XKR4: variants seen among roughly 807,000 people sequenced by gnomAD.
XKR4 encodes XK-related protein 4.
XKR4 carries 12 observed loss-of-function variants against 53.9 expected under a neutral mutation model. The observed-to-expected ratio is 0.22, with a 90% confidence interval of 0.14 to 0.36. The LOEUF is 0.36. Among genes scored for constraint, XKR4 ranks in the 10% least tolerant of loss-of-function variants. The pLI, the probability that XKR4 is intolerant of heterozygous loss-of-function variation, is 1.00. For missense variants in XKR4, 799 were observed against 859.5 expected, an observed-to-expected ratio of 0.93 and a Z score of 0.88; for synonymous variants, 354 against 362.4, an observed-to-expected ratio of 0.98 and a Z score of 0.26.
intron 1 of XKR4, among the ~76,000 whole-genome samples, chr8:55,117,609 C>T (rs1315738100): frequency 6.6e-6 from 1 of 152,168 alleles, no homozygotes; most frequent in African/African-American, 2.4e-5. Flanking sequence ...TTGCTATTCT[C>T]ATCTGAGGAT....
At chr8:55,303,833 C>T (rs1454779132) in intron 1 of XKR4, among the ~76,000 whole-genome samples, 29 of 152,214 alleles carry the variant, frequency 1.9e-4, no homozygotes, top group Middle Eastern at 6.8e-3. Flanking sequence ...TCTGTGGGAT[C>T]GGTGGTGATA....
chr8:55,389,129 A>G (rs1804399405), intron 2 of XKR4, among the ~76,000 whole-genome samples: 1 of 152,222 alleles, frequency 6.6e-6, no homozygotes, highest in South Asian at 2.1e-4. Flanking sequence ...GCCACCAGCT[A>G]GGGAAATACC....
rs1410884727 is a variant in XKR4, at chr8:55,452,312, C to A, written c.1007-70969C>A. 15 of 645,768 alleles carry A rather than the reference C, an allele frequency of 2.3e-5. No individual in the cohort carries two copies. The Admixed American group carries it at 2.7e-4, about 12-fold the overall frequency. 40.0% of individuals were successfully genotyped at this position (645,768 alleles called of 1,614,324 possible). ...TGCATTTCTCCTTGGTCAGCGCGGC[C>A]ACCGGGAAGGAGCGGAACACCACCT... On this transcript the variant is annotated intron_variant, in intron 2 of 2. Coordinates refer to ENST00000327381, the MANE Select transcript of XKR4 (RefSeq NM_052898.2).
chr8:55,143,460 T>G (rs1472124193), intron 1 of XKR4, among the ~76,000 whole-genome samples: 1 of 152,186 alleles, frequency 6.6e-6, no homozygotes, highest in Non-Finnish European at 1.5e-5. Context: ...TAATAATGAT[T>G]TAAAAGTATA....
chr8:55,336,305 C>T (rs1179230662), intron 1 of XKR4, among the ~76,000 whole-genome samples: 1 of 152,092 alleles, frequency 6.6e-6, no homozygotes, highest in Admixed American at 6.5e-5. Flanking sequence ...GTCTTGCCGT[C>T]ACCATGTAAG....
At chr8:55,254,561 C>T (rs778321247) in intron 1 of XKR4, among the ~76,000 whole-genome samples, 18 of 152,260 alleles carry the variant, frequency 1.2e-4, no homozygotes, top group Non-Finnish European at 2.1e-4. Flanking sequence ...GGAATGTTCA[C>T]GGTTTGATAA....
At chr8:55,352,314 G>A (rs1803735580) in intron 1 of XKR4, among the ~76,000 whole-genome samples, 2 of 152,256 alleles carry the variant, frequency 1.3e-5, no homozygotes, top group Non-Finnish European at 2.9e-5. Context: ...GGCACGAGGT[G>A]TGGATTCATC....
chr8:55,440,750 G>C (rs1467216510), intron 2 of XKR4, among the ~76,000 whole-genome samples: 1 of 152,036 alleles, frequency 6.6e-6, no homozygotes, highest in Non-Finnish European at 1.5e-5. Flanking sequence ...TGATTGTAAA[G>C]GAACTATAAT....
intron 2 of XKR4, chr8:55,449,677 C>T: frequency 1.1e-6 from 1 of 875,446 alleles, no homozygotes; most frequent in Admixed American, 1.7e-5. Flanking sequence ...CCACAGCCTC[C>T]ACCTCCACCT....
chr8:55,149,808 CT>C (rs1420215875), intron 1 of XKR4, among the ~76,000 whole-genome samples: 1 of 152,200 alleles, frequency 6.6e-6, no homozygotes, highest in Non-Finnish European at 1.5e-5. Flanking sequence ...TCATGAGCAC[CT>C]TTCCTAGGAG....
At chr8:55,152,387 TATAC>T (rs1305827642) in intron 1 of XKR4, among the ~76,000 whole-genome samples, 2 of 152,204 alleles carry the variant, frequency 1.3e-5, no homozygotes, top group South Asian at 4.1e-4. Flanking sequence ...ATGTTCATTA[TATAC>T]CATATATCTT....
At chr8:55,216,816 A>G (rs1208362420) in intron 1 of XKR4, among the ~76,000 whole-genome samples, 1 of 151,876 alleles carries the variant, frequency 6.6e-6, no homozygotes, top group Non-Finnish European at 1.5e-5. Flanking sequence ...AAAAAAAACT[A>G]TAAAGATAAT....
chr8:55,522,738 C>T (rs998801124), intron 2 of XKR4, among the ~76,000 whole-genome samples: 2 of 152,138 alleles, frequency 1.3e-5, no homozygotes, highest in South Asian at 2.1e-4. Context: ...TGACAGCCTC[C>T]GGTCCATGGT....
At chr8:55,418,614 C>A (rs939301066) in intron 2 of XKR4, among the ~76,000 whole-genome samples, 1 of 152,204 alleles carries the variant, frequency 6.6e-6, no homozygotes, top group African/African-American at 2.4e-5. Flanking sequence ...TTCAACACAG[C>A]AGCCCAAATG....
At chr8:55,236,509 G>A (rs763605999) in intron 1 of XKR4, among the ~76,000 whole-genome samples, 12 of 152,276 alleles carry the variant, frequency 7.9e-5, no homozygotes, top group Non-Finnish European at 1.2e-4. Context: ...TCAAGAGGCT[G>A]GCCCACAGAG....
chr8:55,196,175 CTT>C (rs1032613430), intron 1 of XKR4, among the ~76,000 whole-genome samples: 11,321 of 125,730 alleles, frequency 0.09, 1,133 homozygotes, highest in African/African-American at 0.27. Context: ...GTTGTGCTTC[CTT>C]TTTTTTTTTT....
At position 55,414,899 on chromosome 8, in the gene XKR4, G is replaced by A. The variant is rs78273337; in HGVS notation, c.1006+57022G>A. ...TTTCCTCCAGCATCTCAAAGTAGAC[G>A]CCACATTTTCTACACATTCATTTAA... is the stretch of plus-strand genomic sequence containing the variant. On this transcript the variant is annotated intron_variant, in intron 2 of 2. Coordinates refer to ENST00000327381, the MANE Select transcript of XKR4 (RefSeq NM_052898.2). Among the ~76,000 whole-genome samples the A allele has an allele frequency of 4.1e-3, 628 of 152,198 alleles. 3 individuals carry two copies. Among genetic ancestry groups the A allele is most frequent in the African/African-American group, 0.015 (607 of 41,522 alleles).
At chr8:55,389,634 G>T (rs964619817) in intron 2 of XKR4, among the ~76,000 whole-genome samples, 6 of 152,128 alleles carry the variant, frequency 3.9e-5, no homozygotes, top group African/African-American at 1.4e-4. Context: ...GTCAGAGCTA[G>T]ATTGTTATCT....
In XKR4 at chr8:55,103,215, C is replaced by A. The variant is rs1358351229; in HGVS notation, c.727C>A (p.His243Asn). 6.2e-7 allele frequency: 1 copy of A among 1,614,084 alleles called. No homozygotes were observed. The highest frequency in any genetic ancestry group is 1.7e-5 in the Admixed American group (1 of 60,028). Reference sequence around the variant, plus strand: ...CGGGGCTACCCGGGCCAGTGGCAAGCACAGGTCTGCGTCCTGCTCCTTCTG... The same window carrying A: ...CGGGGCTACCCGGGCCAGTGGCAAGAACAGGTCTGCGTCCTGCTCCTTCTG... ...SSGATRASGKHRSASCSFCIW... is the reference protein window; with the variant it reads ...SSGATRASGKNRSASCSFCIW... The change falls in exon 1 of 3, where the codon CAC becomes AAC. Residue 243 changes from histidine to asparagine, a missense_variant. Transcript: ENST00000327381.
Sources: gnomAD v4.1 joint callset for allele counts (sites outside exome capture counted in the v4.1 genomes callset) on GRCh38, gnomAD v4.1.1 for gene constraint, MANE v1.5 for transcripts, NCBI Gene and HGNC (gene_info 2026-07-23, HGNC 2026-07-21) for gene names.